Variants in SH3GL1 observed in about 807,000 individuals in gnomAD.
SH3GL1 encodes SH3 domain containing GRB2 like 1, endophilin A2.
A neutral mutation model predicts 48.8 loss-of-function variants in SH3GL1; 21 were observed. The ratio of observed to expected loss-of-function variants is 0.43; its 90% CI spans 0.30 to 0.62. The LOEUF is 0.62. Ranked by LOEUF, SH3GL1 falls within the 20% of genes least tolerant of loss-of-function variation. The pLI is 0.11. For synonymous variants in SH3GL1, 282 were observed against 217.5 expected (o/e 1.30, Z -2.61); for missense variants, 454 against 503.0 (o/e 0.90, Z 0.93).
intron 1 of SH3GL1, among the ~76,000 whole-genome samples, chr19:4,399,435 G>T (rs1599627612): frequency 6.6e-6 from 1 of 151,692 alleles, no homozygotes; most frequent in South Asian, 2.1e-4. Flanking sequence ...GAGGGAGAGA[G>T]GCAAGGAGGG....
At chr19:4,393,620 T>A (rs1360467879) in intron 1 of SH3GL1, among the ~76,000 whole-genome samples, 1 of 151,852 alleles carries the variant, frequency 6.6e-6, no homozygotes, top group Non-Finnish European at 1.5e-5. Context: ...TGAAACCCCG[T>A]CTCTACTAAA....
intron 1 of SH3GL1, among the ~76,000 whole-genome samples, chr19:4,373,250 AGGGAGCCTCTGCCTTGGGGCT>A (rs1268627466): frequency 6.6e-6 from 1 of 152,184 alleles, no homozygotes; most frequent in Non-Finnish European, 1.5e-5. Flanking sequence ...GGGAAGATGG[AGGGAGCCTCTGCCTTGGGGCT>A]GACTGGGTCA....
rs1973297219 is a variant in SH3GL1 at position 4,389,527 on chromosome 19, A to G, written c.45+10797T>C. ...GTGAGTTCCCATGCAGGGGAAGAGT[A>G]GCATTTAAACCTGGGACCAAGGCAG... On this transcript the variant is annotated intron_variant, in intron 1 of 9. Transcript: ENST00000269886. This position sits in a 1 kb window ranked among gnomAD's most constrained non-coding sequence, Gnocchi z 4.5. Among the ~76,000 whole-genome samples, 1 of 152,146 alleles carries G rather than the reference A, an allele frequency of 6.6e-6. No homozygotes were observed. Among genetic ancestry groups the G allele is most frequent in the African/African-American group, 2.4e-5 (1 of 41,436 alleles).
At chr19:4,371,375 G>C (rs1972896763) in intron 1 of SH3GL1, among the ~76,000 whole-genome samples, 1 of 152,246 alleles carries the variant, frequency 6.6e-6, no homozygotes, top group Non-Finnish European at 1.5e-5. Flanking sequence ...TGGCCACTTG[G>C]CAGGAGCAGG....
At chr19:4,380,966 A>G (rs535220547) in intron 1 of SH3GL1, among the ~76,000 whole-genome samples, 2 of 151,704 alleles carry the variant, frequency 1.3e-5, no homozygotes, top group South Asian at 4.3e-4. Flanking sequence ...AACCGGTCCT[A>G]TTTCCTTGTT....
chr19:4,367,100 C>T lies in SH3GL1; in HGVS notation c.46-106G>A. ...GCCACATCGCATCCACAGCTGGAGGCAGGAGGCCAAGTGATCAGGACACAC... is the reference window on the plus strand; with the variant it reads ...GCCACATCGCATCCACAGCTGGAGGTAGGAGGCCAAGTGATCAGGACACAC... On this transcript the variant is annotated intron_variant, in intron 1 of 9. Coordinates refer to ENST00000269886, the MANE Select transcript of SH3GL1 (RefSeq NM_003025.4). This position sits in a 1 kb window ranked among gnomAD's most constrained non-coding sequence, Gnocchi z 4.2. 9.8e-7 allele frequency: 1 copy of T among 1,021,610 alleles called. No individual in the cohort carries two copies. Among genetic ancestry groups the T allele is most frequent in the Non-Finnish European group, 1.5e-6 (1 of 645,700 alleles). 63.3% of individuals were successfully genotyped at this position (1,021,610 alleles called of 1,614,324 possible).
intron 1 of SH3GL1, among the ~76,000 whole-genome samples, chr19:4,395,088 A>G (rs1338386698): frequency 6.6e-6 from 1 of 152,250 alleles, no homozygotes; most frequent in Non-Finnish European, 1.5e-5. Context: ...AAAGAACTGG[A>G]AACCTTTAAG....
intron 1 of SH3GL1, among the ~76,000 whole-genome samples, chr19:4,371,825 G>C (rs1568412104): frequency 6.6e-6 from 1 of 152,204 alleles, no homozygotes; most frequent in Non-Finnish European, 1.5e-5. Flanking sequence ...CTGTGCTACA[G>C]AGCCATCTCC....
chr19:4,360,922 G>C lies in SH3GL1; in HGVS notation c.*678C>G, dbSNP rs1234861903. The C allele has an allele frequency of 4.3e-6, 1 of 233,446 alleles. No homozygotes were observed. The highest frequency in any genetic ancestry group is 2.2e-5 in the African/African-American group (1 of 45,336). The allele number at this position is 233,446 out of a possible 1,614,324, so 14.5% of individuals were successfully genotyped here. ...GGCTTTCTGAGGGCGGGGCTTGGGA[G>C]GCAGGGCCCTGCAGGAGACCATGTT... is the stretch of plus-strand genomic sequence containing the variant. On this transcript the variant is annotated 3_prime_UTR_variant, in exon 10 of 10. Coordinates refer to ENST00000269886, the MANE Select transcript of SH3GL1 (RefSeq NM_003025.4).
intron 1 of SH3GL1, among the ~76,000 whole-genome samples, chr19:4,378,518 C>T (rs1973057651): frequency 6.6e-6 from 1 of 151,994 alleles, no homozygotes; most frequent in African/African-American, 2.4e-5. Context: ...AGTTTGAGAC[C>T]AGCCTGACCA....
At chr19:4,370,747 G>A (rs570061078) in intron 1 of SH3GL1, among the ~76,000 whole-genome samples, 11 of 152,248 alleles carry the variant, frequency 7.2e-5, no homozygotes, top group African/African-American at 1.2e-4. Context: ...ACATGTCCCC[G>A]CCTGGAGCAG....
intron 1 of SH3GL1, among the ~76,000 whole-genome samples, chr19:4,369,742 C>T (rs750309134): frequency 2.0e-4 from 31 of 152,248 alleles, no homozygotes; most frequent in Non-Finnish European, 2.9e-4. Context: ...CCCTGACACC[C>T]GGGAGGCTGT....
intron 1 of SH3GL1, among the ~76,000 whole-genome samples, chr19:4,382,490 C>A (rs995374321): frequency 6.6e-6 from 1 of 151,974 alleles, no homozygotes; most frequent in African/African-American, 2.4e-5. Flanking sequence ...ATCTCCTGAC[C>A]TCGTGATCCG....
chr19:4,360,967 C>T lies in SH3GL1; in HGVS notation c.*633G>A. Reference sequence around the variant, plus strand: ...CATGTTCTCTGTCCTCAGGCAGATCCCAGCTGGCCTCTGTCCCCGGGCTGC... The same window carrying T: ...CATGTTCTCTGTCCTCAGGCAGATCTCAGCTGGCCTCTGTCCCCGGGCTGC... On this transcript the variant is annotated 3_prime_UTR_variant, in exon 10 of 10. Transcript: ENST00000269886. 4.3e-6 allele frequency: 1 copy of T among 233,634 alleles called. No homozygotes were observed. Among genetic ancestry groups the T allele is most frequent in the Non-Finnish European group, 8.5e-6 (1 of 118,324 alleles). The allele number at this position is 233,634 out of a possible 1,614,324, so 14.5% of individuals were successfully genotyped here.
At chr19:4,373,973 G>A (rs956913152) in intron 1 of SH3GL1, among the ~76,000 whole-genome samples, 5 of 152,272 alleles carry the variant, frequency 3.3e-5, no homozygotes, top group African/African-American at 4.8e-5. Flanking sequence ...CTCTCAGGCT[G>A]TCGGGCCCTG....
intron 1 of SH3GL1, among the ~76,000 whole-genome samples, chr19:4,378,147 G>A (rs1020050859): frequency 6.6e-6 from 1 of 152,248 alleles, no homozygotes; most frequent in Admixed American, 6.5e-5. Flanking sequence ...AGTATATGGT[G>A]AGATAATAAA....
In SH3GL1 at chr19:4,366,433, C is replaced by CT. The variant is rs1972780815; in HGVS notation, c.187+67_187+68insA. ...CATGAGCCTGGCGGTTCTGTCATCC[C>CT]CTGCCTTCCCTCTGACACAGAGGCC... On this transcript the variant is annotated intron_variant, in intron 3 of 9. Coordinates refer to ENST00000269886, the MANE Select transcript of SH3GL1 (RefSeq NM_003025.4). 5 of 1,287,770 alleles carry CT rather than the reference C, an allele frequency of 3.9e-6. No homozygotes were observed. The Admixed American group carries it at 9.6e-5, about 25-fold the overall frequency. The allele number at this position is 1,287,770 out of a possible 1,614,324, so 79.8% of individuals were successfully genotyped here. A position where few individuals can be genotyped will look rare whatever the true frequency, so the allele number is the denominator to read the frequency against.
At chr19:4,369,634 T>TGGCCCC (rs1343484910) in intron 1 of SH3GL1, among the ~76,000 whole-genome samples, 1 of 152,182 alleles carries the variant, frequency 6.6e-6, no homozygotes, top group Non-Finnish European at 1.5e-5. Context: ...GCTCTGGCCC[T>TGGCCCC]GGCCCCACCT....
In SH3GL1 at chr19:4,363,730, A is replaced by G; in HGVS notation, c.614T>C (p.Leu205Pro). The stretch of plus-strand genomic sequence containing the variant: ...CCCCGAGCTACTCACGTCAGTCTCC[A>G]GGAGGTTGTGCATGCTGGTTTCTGC... ...EVAETSMHNLLETDIEQVSQL... is the reference protein window; with the variant it reads ...EVAETSMHNLPETDIEQVSQL... The change falls in exon 6 of 10, where the codon CTG (leucine) becomes CCG (proline). Residue 205 changes from leucine (L) to proline (P), a missense_variant. Transcript: ENST00000269886. The G allele has an allele frequency of 6.2e-7, 1 of 1,613,454 alleles. No homozygotes were observed. The highest frequency in any genetic ancestry group is 8.5e-7 in the Non-Finnish European group (1 of 1,180,018).
Sources: allele counts gnomAD v4.1 joint callset (sites outside exome capture counted in the v4.1 genomes callset), GRCh38; gene constraint gnomAD v4.1.1; non-coding constraint Gnocchi (gnomAD v3.1); transcripts MANE v1.5; gene names NCBI Gene and HGNC (gene_info 2026-07-23, HGNC 2026-07-21).